ROCK1: variants seen among roughly 807,000 people sequenced by gnomAD.
The protein encoded by ROCK1 is rho-associated protein kinase 1.
ROCK1 carries 36 observed loss-of-function variants against 196.8 expected under a neutral mutation model. The ratio of observed to expected loss-of-function variants is 0.18; its 90% CI spans 0.14 to 0.24. The LOEUF (loss-of-function observed/expected upper bound fraction) is 0.24, where lower values mean the gene tolerates loss of function less well. Ranked by LOEUF, ROCK1 falls within the 10% of genes least tolerant of loss-of-function variation. The pLI is 1.00. For synonymous variants in ROCK1, 443 were observed against 515.9 expected (o/e 0.86, Z 1.91); for missense variants, 920 against 1,562.0 (o/e 0.59, Z 6.93).
intron 24 of ROCK1, 42 bp from the exon 25 acceptor site, chr18:20,968,902 T>TAAGAAAAAAC (rs769282308): frequency 7.7e-7 from 1 of 1,296,632 alleles, no homozygotes; most frequent in East Asian, 2.3e-5. Flanking sequence ...TGGTATTAAT[T>TAAGAAAAAAC]TAATTTCTGC....
In ROCK1 at chr18:21,045,564, T is replaced by G. The variant is rs531789111; in HGVS notation, c.415-97A>C. The G allele has an allele frequency of 4.2e-5, 40 of 960,776 alleles. No individual in the cohort carries two copies. In the African/African-American group the frequency reaches 6.5e-4, roughly 16 times the overall value. 59.5% of individuals were successfully genotyped at this position (960,776 alleles called of 1,614,324 possible). On this transcript the variant is annotated intron_variant, in intron 4 of 32. Transcript: ENST00000399799. ...CAAAAATGTTAATAAAAGATTTAAG[T>G]AAAATAATCAAATTACAGAAGTTGC...
intron 16 of ROCK1, among the ~76,000 whole-genome samples, chr18:20,993,364 G>A (rs758186605): frequency 7.2e-5 from 11 of 152,120 alleles, no homozygotes; most frequent in East Asian, 5.8e-4. Flanking sequence ...CACCAGGCCC[G>A]GCTAATTTTT....
chr18:21,106,407 A>G (rs529617015), intron 1 of ROCK1, among the ~76,000 whole-genome samples: 1 of 152,258 alleles, frequency 6.6e-6, no homozygotes, highest in African/African-American at 2.4e-5. Flanking sequence ...GGCTCAAGCA[A>G]TTCTCTGGCC....
intron 13 of ROCK1, among the ~76,000 whole-genome samples, chr18:21,013,961 G>A (rs895205215): frequency 4.6e-5 from 7 of 151,798 alleles, no homozygotes; most frequent in African/African-American, 1.7e-4. Context: ...AGCTACTCGG[G>A]AGGCTGAGGC....
intron 23 of ROCK1, 54 bp downstream of exon 23, chr18:20,970,294 G>T: frequency 1.5e-6 from 2 of 1,367,854 alleles, no homozygotes; most frequent in Non-Finnish European, 2.1e-6. Context: ...TTTAAGATGT[G>T]ACCTATTGTG....
At chr18:20,957,605 C>G (rs370941497) in intron 29 of ROCK1, among the ~76,000 whole-genome samples, 1 of 148,622 alleles carries the variant, frequency 6.7e-6, no homozygotes, top group African/African-American at 2.5e-5. Flanking sequence ...CTCAGCCTCC[C>G]GAGTAGCTGG....
chr18:21,103,820 C>G (rs375436334), intron 1 of ROCK1, among the ~76,000 whole-genome samples: 1 of 152,032 alleles, frequency 6.6e-6, no homozygotes, highest in South Asian at 2.1e-4. Context: ...GAAACTGAAG[C>G]CTAGATGAGA....
At chr18:21,090,856 G>A (rs945863756) in intron 1 of ROCK1, among the ~76,000 whole-genome samples, 1 of 55,080 alleles carries the variant, frequency 1.8e-5, no homozygotes. Context: ...AAGAGCATCA[G>A]TATCTCAAAG....
intron 25 of ROCK1, chr18:20,968,557 C>T: frequency 2.2e-6 from 1 of 451,994 alleles, no homozygotes; most frequent in Middle Eastern, 5.8e-4. Context: ...CTGCTGGCCT[C>T]AGCCTCCTAA....
At chr18:21,058,896 A>G (rs564546091) in intron 2 of ROCK1, among the ~76,000 whole-genome samples, 28 of 152,264 alleles carry the variant, frequency 1.8e-4, no homozygotes, top group Non-Finnish European at 4.0e-4. Flanking sequence ...AATTAAGAAA[A>G]TTATTTCATG....
At chr18:21,022,507 C>A (rs2035921831) in intron 11 of ROCK1, among the ~76,000 whole-genome samples, 1 of 152,132 alleles carries the variant, frequency 6.6e-6, no homozygotes, top group African/African-American at 2.4e-5. Context: ...GCCTGTATTA[C>A]TCTGTAGCCC....
chr18:21,065,433 A>G (rs1263717645), intron 2 of ROCK1, among the ~76,000 whole-genome samples: 1 of 152,104 alleles, frequency 6.6e-6, no homozygotes, highest in Non-Finnish European at 1.5e-5. Context: ...TCTTCATTCA[A>G]TGGTCTTACC....
chr18:21,059,849 T>C (rs1441632711), intron 2 of ROCK1, among the ~76,000 whole-genome samples: 2 of 152,222 alleles, frequency 1.3e-5, no homozygotes, highest in South Asian at 2.1e-4. Flanking sequence ...GGAATATTAC[T>C]GGCAATTAAA....
chr18:21,111,175 C>G lies in ROCK1; in HGVS notation c.-265G>C, dbSNP rs1285463546. On this transcript the variant is annotated 5_prime_UTR_variant, in exon 1 of 33. Coordinates refer to ENST00000399799, the MANE Select transcript of ROCK1 (RefSeq NM_005406.3). This position sits in a 1 kb window ranked among gnomAD's most constrained non-coding sequence, Gnocchi z 4.2. ...AGCCCCTCACGACAGCCGACAGCGC[C>G]GTCGCCACCAGCCTCGTCGCTCCGG... is the stretch of plus-strand genomic sequence containing the variant. 9.2e-6 allele frequency: 5 copies of G among 542,572 alleles called. No individual in the cohort carries two copies. Among genetic ancestry groups the G allele is most frequent in the Non-Finnish European group, 1.3e-5 (4 of 309,032 alleles). 33.6% of individuals were successfully genotyped at this position (542,572 alleles called of 1,614,324 possible). A position where few individuals can be genotyped will look rare whatever the true frequency, so the allele number is the denominator to read the frequency against.
At chr18:20,981,390 G>A (rs761406675) in intron 21 of ROCK1, among the ~76,000 whole-genome samples, 4 of 151,602 alleles carry the variant, frequency 2.6e-5, no homozygotes, top group East Asian at 3.9e-4. Flanking sequence ...GTGAAACTCC[G>A]TCTCAAAAAA....
intron 1 of ROCK1, among the ~76,000 whole-genome samples, chr18:21,095,436 C>T (rs768770443): frequency 5.3e-5 from 8 of 152,068 alleles, no homozygotes; most frequent in Non-Finnish European, 8.8e-5. Flanking sequence ...ATTCACAACA[C>T]CCAAGATATG....
At position 21,070,192 on chromosome 18, in the gene ROCK1, G is replaced by A. The variant is rs993107009; in HGVS notation, c.175+340C>T. ...AAATCCAATCTAAAAAGGAGCCTTC[G>A]GAAAAGAATATCTGTAAAATTTAAA... On this transcript the variant is annotated intron_variant, in intron 2 of 32. Coordinates refer to ENST00000399799, the MANE Select transcript of ROCK1 (RefSeq NM_005406.3). Among the ~76,000 whole-genome samples, 12 of 151,930 alleles carry A rather than the reference G, an allele frequency of 7.9e-5. No homozygotes were observed. In the South Asian group the frequency reaches 1.5e-3, roughly 18 times the overall value.
intron 1 of ROCK1, among the ~76,000 whole-genome samples, chr18:21,105,832 TA>T (rs1407278263): frequency 6.6e-5 from 10 of 152,102 alleles, no homozygotes; most frequent in African/African-American, 2.2e-4. Context: ...ATAGAGATAA[TA>T]ATAATTGAAG....
In ROCK1 at chr18:20,949,855, T is replaced by A. The variant is rs752745086; in HGVS notation, c.*1529A>T. 2 of 152,790 alleles carry A rather than the reference T, an allele frequency of 1.3e-5. No homozygotes were observed. Among genetic ancestry groups the A allele is most frequent in the African/African-American group, 2.4e-5 (1 of 41,590 alleles). The allele number at this position is 152,790 out of a possible 1,614,324, so 9.5% of individuals were successfully genotyped here. ...TTCATTTCAGCCATGAGAAAACACA[T>A]TGCAGTAAAAATTAAAGATACCCAT... On this transcript the variant is annotated 3_prime_UTR_variant, in exon 33 of 33. Coordinates refer to ENST00000399799, the MANE Select transcript of ROCK1 (RefSeq NM_005406.3).
Sources: gnomAD v4.1 joint callset for allele counts (sites outside exome capture counted in the v4.1 genomes callset) on GRCh38, gnomAD v4.1.1 for gene constraint, Gnocchi (gnomAD v3.1) non-coding constraint, MANE v1.5 for transcripts, NCBI Gene and HGNC (gene_info 2026-07-23, HGNC 2026-07-21) for gene names.